The following ITK variants were observed in gnomAD, a reference collection of about 807,000 sequenced individuals.
ITK encodes the protein IL2 inducible T cell kinase, also known as tyrosine-protein kinase ITK/TSK.
In ITK, 45 loss-of-function variants were observed where a neutral mutation model predicts 87.6. The ratio of observed to expected loss-of-function variants is 0.51; its 90% CI spans 0.40 to 0.66. The LOEUF is 0.66. Among genes scored for constraint, ITK ranks in the 30% least tolerant of loss-of-function variants. ITK has a pLI of 0.00. For synonymous variants in ITK, 303 were observed against 273.6 expected, an observed-to-expected ratio of 1.11 and a Z score of -1.06; for missense variants, 605 against 766.3, an observed-to-expected ratio of 0.79 and a Z score of 2.48.
chr5:157,237,225 A>G (rs755632712), intron 8 of ITK, among the ~76,000 whole-genome samples: 1 of 152,220 alleles, frequency 6.6e-6, no homozygotes, highest in Non-Finnish European at 1.5e-5. Context: ...AAAAAGAACA[A>G]AATTGTGCAT....
chr5:157,232,307 T>C (rs1343878240), intron 7 of ITK, 33 bp from the exon 8 acceptor site: 1 of 1,463,054 alleles, frequency 6.8e-7, no homozygotes, highest in South Asian at 1.1e-5. Flanking sequence ...CTTTAAAATA[T>C]GTCATTGACA....
intron 11 of ITK, 92 bp downstream of exon 11, chr5:157,241,812 A>G: frequency 2.4e-6 from 2 of 827,466 alleles, no homozygotes; most frequent in Non-Finnish European, 4.1e-6. Context: ...TGTTCCTCAG[A>G]CTACAAATCA....
At chr5:157,215,071 A>G (rs1321623619) in intron 4 of ITK, among the ~76,000 whole-genome samples, 6 of 152,132 alleles carry the variant, frequency 3.9e-5, no homozygotes, top group Non-Finnish European at 5.9e-5. Context: ...AATGCATTTC[A>G]CATTTATTAT....
At position 157,236,244 on chromosome 5, in the gene ITK, G is replaced by A. The variant is rs779345474; in HGVS notation, c.769-1865G>A. On this transcript the variant is annotated intron_variant, in intron 8 of 16. Coordinates refer to ENST00000422843, the MANE Select transcript of ITK (RefSeq NM_005546.4). ...CAAAAAATTAGCCAGGCGTGGTGGC[G>A]GGCACCTGTAATTCCAGCTACTTGG... Among the ~76,000 whole-genome samples the A allele has an allele frequency of 4.6e-5, 7 of 152,098 alleles. No homozygotes were observed. The South Asian group carries it at 1.2e-3, about 27-fold the overall frequency.
intron 1 of ITK, among the ~76,000 whole-genome samples, chr5:157,206,593 T>C (rs1368893322): frequency 6.6e-6 from 1 of 152,180 alleles, no homozygotes; most frequent in Non-Finnish European, 1.5e-5. Context: ...AGGGAATTAA[T>C]TTCCTCCTGG....
intron 10 of ITK, chr5:157,240,606 T>G: frequency 3.7e-6 from 1 of 271,032 alleles, no homozygotes; most frequent in South Asian, 4.3e-5. Context: ...AATTGGTCCA[T>G]GGTTGTATAG....
Position 157,244,051 on chromosome 5 carries a change from C to G in ITK, c.1233-211C>G, listed in dbSNP as rs918386932. ...CATGACATGCCAGCCACACTGGCCT[C>G]TGCTCATCTTCACACACACAGCTGA... On this transcript the variant is annotated intron_variant, in intron 12 of 16. Transcript: ENST00000422843. 1.2e-5 allele frequency: 8 copies of G among 673,354 alleles called. No individual in the cohort carries two copies. In the African/African-American group the frequency reaches 1.2e-4, roughly 10 times the overall value. The allele number at this position is 673,354 out of a possible 1,614,324, so 41.7% of individuals were successfully genotyped here.
intron 6 of ITK, among the ~76,000 whole-genome samples, 198 bp downstream of exon 6, chr5:157,223,212 G>A (rs79905188): frequency 0.011 from 1,658 of 152,248 alleles, 23 homozygotes; most frequent in African/African-American, 0.037. Context: ...CTCTGAGGCA[G>A]TCACTTGCTA....
chr5:157,214,725 G>A, intron 4 of ITK, among the ~76,000 whole-genome samples: 1 of 152,068 alleles, frequency 6.6e-6, no homozygotes, highest in East Asian at 1.9e-4. Flanking sequence ...AATTAAAGAG[G>A]CAGCCTTAAG....
At chr5:157,223,547 A>G (rs1286365225) in intron 6 of ITK, among the ~76,000 whole-genome samples, 1 of 152,168 alleles carries the variant, frequency 6.6e-6, no homozygotes, top group African/African-American at 2.4e-5. Flanking sequence ...GGTTGTACAA[A>G]TACTACTTTC....
At chr5:157,238,605 A>G (rs1754823855) in intron 9 of ITK, among the ~76,000 whole-genome samples, 1 of 152,214 alleles carries the variant, frequency 6.6e-6, no homozygotes, top group African/African-American at 2.4e-5. Context: ...GTGCCAGAAA[A>G]TATGCAGACC....
intron 1 of ITK, among the ~76,000 whole-genome samples, chr5:157,188,979 T>C (rs1753699492): frequency 6.6e-6 from 1 of 152,138 alleles, no homozygotes; most frequent in Admixed American, 6.5e-5. Context: ...GGGCACTGGT[T>C]AGTTGTAGTA....
At chr5:157,203,231 C>A (rs1160963493) in intron 1 of ITK, among the ~76,000 whole-genome samples, 1 of 152,224 alleles carries the variant, frequency 6.6e-6, no homozygotes, top group African/African-American at 2.4e-5. Context: ...TCATGTTCAT[C>A]AGTTCATTTC....
intron 5 of ITK, among the ~76,000 whole-genome samples, chr5:157,220,319 T>C (rs1235558464): frequency 1.3e-5 from 2 of 152,192 alleles, no homozygotes; most frequent in East Asian, 1.9e-4. Flanking sequence ...GTATATCACA[T>C]TGAAGTACAA....
intron 7 of ITK, among the ~76,000 whole-genome samples, chr5:157,229,557 C>T (rs1486602419): frequency 6.6e-6 from 1 of 151,452 alleles, no homozygotes; most frequent in Admixed American, 6.6e-5. Flanking sequence ...GTCCTGGGCT[C>T]TTCAAAAAAA....
chr5:157,245,944 C>T lies in ITK; in HGVS notation c.1578C>T (p.Ser526=), dbSNP rs1755012526. 2 of 1,614,146 alleles carry T rather than the reference C, an allele frequency of 1.2e-6. No homozygotes were observed. The highest frequency in any genetic ancestry group is 2.2e-5 in the South Asian group (2 of 91,074). The change falls in exon 15 of 17, where the codon TCC becomes TCT. Residue 526 remains serine (S), a synonymous_variant. Transcript: ENST00000422843. Reference sequence around the variant, plus strand: ...CCAAATTCCCGGTGAAGTGGGCATCCCCAGAGGTTTTCTCTTTCAGTCGCT... The same window carrying T: ...CCAAATTCCCGGTGAAGTGGGCATCTCCAGAGGTTTTCTCTTTCAGTCGCT... The part of the protein sequence containing the change: ...TGTKFPVKWA[S]PEVFSFSRYS...
chr5:157,202,067 G>A (rs1753987439), intron 1 of ITK, among the ~76,000 whole-genome samples: 1 of 152,120 alleles, frequency 6.6e-6, no homozygotes. Context: ...CCACTTACGA[G>A]AACATGCAGC....
rs1488476923 is a variant in ITK, at chr5:157,253,269, G to A, written c.*591G>A. The A allele has an allele frequency of 2.0e-5, 5 of 244,312 alleles. No individual in the cohort carries two copies. Among genetic ancestry groups the A allele is most frequent in the African/African-American group, 6.6e-5 (3 of 45,230 alleles). 15.1% of individuals were successfully genotyped at this position (244,312 alleles called of 1,614,324 possible). ...AGAGCAGCTGCTCACACAGGAGGCC[G>A]GATATTCTGAGAAGCAGCTTTATGA... On this transcript the variant is annotated 3_prime_UTR_variant, in exon 17 of 17. Transcript: ENST00000422843.
intron 10 of ITK, chr5:157,240,718 C>T: frequency 5.4e-6 from 1 of 183,618 alleles, no homozygotes; most frequent in Non-Finnish European, 1.1e-5. Flanking sequence ...ATGGCAGGAG[C>T]AGGAGCGAGG....
Sources: gnomAD v4.1 joint callset for allele counts (sites outside exome capture counted in the v4.1 genomes callset) on GRCh38, gnomAD v4.1.1 for gene constraint, MANE v1.5 for transcripts, NCBI Gene and HGNC (gene_info 2026-07-23, HGNC 2026-07-21) for gene names.